The following SYCP1 variants were observed in gnomAD, a reference collection of about 807,000 sequenced individuals.
The protein encoded by SYCP1 is synaptonemal complex protein 1, also known as cancer/testis antigen 8.
A neutral mutation model predicts 153.1 loss-of-function variants in SYCP1; 64 were observed. That is an observed-to-expected ratio of 0.42 (90% CI 0.34 to 0.51). The LOEUF is 0.51. Among genes scored for constraint, SYCP1 ranks in the 20% least tolerant of loss-of-function variants. SYCP1 has a pLI of 0.06. For synonymous variants in SYCP1, 384 were observed against 341.8 expected, an observed-to-expected ratio of 1.12 and a Z score of -1.36; for missense variants, 997 against 1,049.0, an observed-to-expected ratio of 0.95 and a Z score of 0.68.
intron 8 of SYCP1, among the ~76,000 whole-genome samples, chr1:114,864,122 C>T (rs1664567204): frequency 6.7e-6 from 1 of 148,582 alleles, no homozygotes. Context: ...ACATGTATCC[C>T]AGAACTTAAA....
intron 27 of SYCP1, among the ~76,000 whole-genome samples, chr1:114,951,734 A>C (rs1266488179): frequency 2.6e-5 from 4 of 152,240 alleles, no homozygotes; most frequent in Non-Finnish European, 5.9e-5. Context: ...ACATTGACAC[A>C]ATTAAGATAC....
At chr1:114,865,239 G>A (rs906189675) in intron 8 of SYCP1, among the ~76,000 whole-genome samples, 1 of 151,668 alleles carries the variant, frequency 6.6e-6, no homozygotes, top group African/African-American at 2.4e-5. Flanking sequence ...TTTTGCCATA[G>A]ATCCTAGTTT....
chr1:114,882,021 C>T (rs145010708), intron 12 of SYCP1, among the ~76,000 whole-genome samples: 2 of 152,224 alleles, frequency 1.3e-5, no homozygotes, highest in East Asian at 3.9e-4. Flanking sequence ...GCTCTACTTT[C>T]TGTTTCCTCA....
chr1:114,857,413 T>C (rs1267094823), intron 4 of SYCP1, 31 bp from the exon 5 acceptor site: 1 of 1,570,268 alleles, frequency 6.4e-7, no homozygotes, highest in Non-Finnish European at 8.7e-7. Context: ...TTATCAGAAG[T>C]ATTTTCTTAT....
chr1:114,949,594 T>C (rs2101839812), intron 27 of SYCP1, among the ~76,000 whole-genome samples: 1 of 152,338 alleles, frequency 6.6e-6, no homozygotes. Flanking sequence ...CCTTGATATG[T>C]GAGGCCCATG....
At chr1:114,889,054 C>A (rs951904431) in intron 15 of SYCP1, among the ~76,000 whole-genome samples, 1 of 152,148 alleles carries the variant, frequency 6.6e-6, no homozygotes, top group Non-Finnish European at 1.5e-5. Flanking sequence ...TTTATGGCTG[C>A]GTAGTATTCC....
intron 23 of SYCP1, among the ~76,000 whole-genome samples, chr1:114,935,221 T>C (rs1669918206): frequency 6.6e-6 from 1 of 152,186 alleles, no homozygotes. Context: ...CAGACCACAG[T>C]GCAATCAAAC....
chr1:114,950,239 T>C (rs993513964), intron 27 of SYCP1, among the ~76,000 whole-genome samples: 1 of 152,182 alleles, frequency 6.6e-6, no homozygotes, highest in Non-Finnish European at 1.5e-5. Context: ...AGAAGTTGCT[T>C]CTTCAGCCTA....
intron 16 of SYCP1, among the ~76,000 whole-genome samples, chr1:114,896,431 A>C (rs1373103706): frequency 6.6e-6 from 1 of 152,214 alleles, no homozygotes; most frequent in Non-Finnish European, 1.5e-5. Flanking sequence ...TTGATACTCT[A>C]GGCTAGGTTT....
Position 114,944,469 on chromosome 1 carries a change from A to T in SYCP1, c.2043+14A>T. On this transcript the variant is annotated intron_variant, in intron 24 of 31. Coordinates refer to ENST00000369522, the MANE Select transcript of SYCP1 (RefSeq NM_003176.4). The stretch of plus-strand genomic sequence containing the variant: ...CTTTTGGAAGAGGTGGGAAAAACTT[A>T]ATGTATTAAGAACTTATTATACTAA... 6.9e-7 allele frequency: 1 copy of T among 1,441,310 alleles called. No homozygotes were observed. The highest frequency in any genetic ancestry group is 9.7e-7 in the Non-Finnish European group (1 of 1,034,666). The allele number at this position is 1,441,310 out of a possible 1,614,324, so 89.3% of individuals were successfully genotyped here. A position where few individuals can be genotyped will look rare whatever the true frequency, so the allele number is the denominator to read the frequency against.
At chr1:114,940,242 C>T (rs1670299545) in intron 23 of SYCP1, among the ~76,000 whole-genome samples, 1 of 151,950 alleles carries the variant, frequency 6.6e-6, no homozygotes. Flanking sequence ...GGATTACAGG[C>T]GTGTGCCTCC....
chr1:114,945,261 C>T (rs1321526926), intron 25 of SYCP1, among the ~76,000 whole-genome samples: 1 of 151,944 alleles, frequency 6.6e-6, no homozygotes, highest in Non-Finnish European at 1.5e-5. Flanking sequence ...CTAATAGTCT[C>T]TTATAGCACT....
intron 7 of SYCP1, 41 bp from the exon 8 acceptor site, chr1:114,860,695 A>G: frequency 1.5e-6 from 2 of 1,378,490 alleles, no homozygotes; most frequent in Non-Finnish European, 2.0e-6. Context: ...TTTTGCTTTG[A>G]GATCAGATTA....
At chr1:114,913,207 A>C (rs1570757917) in intron 19 of SYCP1, 57 bp downstream of exon 19, 3 of 1,353,610 alleles carry the variant, frequency 2.2e-6, no homozygotes, top group East Asian at 2.3e-5. Context: ...GCAGGTTAGA[A>C]TAGATGACCT....
intron 16 of SYCP1, among the ~76,000 whole-genome samples, chr1:114,901,726 G>A (rs1039656244): frequency 1.3e-5 from 2 of 152,176 alleles, no homozygotes; most frequent in African/African-American, 2.4e-5. Flanking sequence ...AGCTTAAGAC[G>A]AACCTCACAA....
intron 30 of SYCP1, among the ~76,000 whole-genome samples, chr1:114,993,303 C>A (rs1024198528): frequency 6.6e-6 from 1 of 151,448 alleles, no homozygotes; most frequent in East Asian, 1.9e-4. Context: ...TTATAAAAAT[C>A]TGTTTGAAAT....
At chr1:114,883,702 G>A (rs1666102647) in intron 12 of SYCP1, among the ~76,000 whole-genome samples, 2 of 152,246 alleles carry the variant, frequency 1.3e-5, no homozygotes, top group South Asian at 4.2e-4. Context: ...TATCATAATG[G>A]ACACCACAAT....
chr1:114,910,528 T>A, intron 17 of SYCP1, 27 bp downstream of exon 17: 1 of 1,404,436 alleles, frequency 7.1e-7, no homozygotes, highest in Non-Finnish European at 9.6e-7. Flanking sequence ...ATTTTTATTT[T>A]AAATATTTTG....
At chr1:114,909,552 G>A (rs1668046550) in intron 16 of SYCP1, among the ~76,000 whole-genome samples, 2 of 130,770 alleles carry the variant, frequency 1.5e-5, no homozygotes, top group South Asian at 4.8e-4. Flanking sequence ...ATGTATTTAT[G>A]TATTTTGTCC....
Sources: allele counts gnomAD v4.1 joint callset (sites outside exome capture counted in the v4.1 genomes callset), GRCh38; gene constraint gnomAD v4.1.1; transcripts MANE v1.5; gene names NCBI Gene and HGNC (gene_info 2026-07-23, HGNC 2026-07-21).